NTM: variants seen among roughly 807,000 people sequenced by gnomAD.
NTM encodes the protein IgLON family member 2.
In NTM, 13 loss-of-function variants were observed where a neutral mutation model predicts 42.1. That is an observed-to-expected ratio of 0.31 (90% CI 0.20 to 0.49). NTM has a LOEUF of 0.49. Ranked by LOEUF, NTM falls within the 20% of genes least tolerant of loss-of-function variation. NTM has a pLI of 0.99. For synonymous variants in NTM, 187 were observed against 179.2 expected, an observed-to-expected ratio of 1.04 and a Z score of -0.35; for missense variants, 373 against 452.8, an observed-to-expected ratio of 0.82 and a Z score of 1.60.
Position 131,465,970 on chromosome 11 carries a change from G to T in NTM, c.82+95082G>T, listed in dbSNP as rs141300174. Among the ~76,000 whole-genome samples, 506 of 152,330 alleles carry T rather than the reference G, an allele frequency of 3.3e-3. 4 individuals are homozygous for T. The highest frequency in any genetic ancestry group is 0.012 in the African/African-American group (483 of 41,572). On this transcript the variant is annotated intron_variant, in intron 1 of 8. Coordinates refer to ENST00000683400, the MANE Select transcript of NTM (RefSeq NM_001352005.2). ...CACAAGGGGGCATGGCCCTTTGAGC[G>T]CCCCTTCAGGGTAGAAGCTATCACT...
chr11:132,300,704 C>A (rs570674526), intron 4 of NTM, among the ~76,000 whole-genome samples: 1 of 152,164 alleles, frequency 6.6e-6, no homozygotes, highest in Non-Finnish European at 1.5e-5. Context: ...TCTAGCTTAG[C>A]GGCACAGATT....
At chr11:132,033,817 G>A (rs761548450) in intron 2 of NTM, among the ~76,000 whole-genome samples, 10 of 152,252 alleles carry the variant, frequency 6.6e-5, no homozygotes, top group South Asian at 4.1e-4. Context: ...ACTGGATTAC[G>A]GGATTTGTTT....
chr11:131,605,449 C>G (rs2137469876), intron 1 of NTM, among the ~76,000 whole-genome samples: 1 of 152,298 alleles, frequency 6.6e-6, no homozygotes, highest in African/African-American at 2.4e-5. Context: ...CTAATACTTT[C>G]TTAGTGGTTT....
At chr11:132,308,898 G>A (rs531900931) in intron 5 of NTM, among the ~76,000 whole-genome samples, 8 of 152,214 alleles carry the variant, frequency 5.3e-5, no homozygotes, top group Admixed American at 1.3e-4. Flanking sequence ...TTAGGAAAAT[G>A]AGTGAAAGCT....
At chr11:131,646,545 AT>A (rs999525145) in intron 1 of NTM, among the ~76,000 whole-genome samples, 1 of 152,190 alleles carries the variant, frequency 6.6e-6, no homozygotes, top group African/African-American at 2.4e-5. Context: ...TTATATGCAG[AT>A]TTTAGATGAA....
intron 1 of NTM, among the ~76,000 whole-genome samples, chr11:131,814,760 C>G (rs1166516668): frequency 6.6e-6 from 1 of 152,190 alleles, no homozygotes; most frequent in Non-Finnish European, 1.5e-5. Flanking sequence ...GCAGCCTAAT[C>G]CACCACCTCT....
intron 2 of NTM, among the ~76,000 whole-genome samples, chr11:132,050,125 T>C (rs2078644388): frequency 6.6e-6 from 1 of 152,182 alleles, no homozygotes. Context: ...CTTTAGGGTT[T>C]AGAGAGAAAA....
chr11:132,198,441 T>A (rs2138410170), intron 3 of NTM, among the ~76,000 whole-genome samples: 1 of 152,204 alleles, frequency 6.6e-6, no homozygotes, highest in South Asian at 2.1e-4. Context: ...GCTCAAGCCA[T>A]CCTCCCACCT....
chr11:132,259,146 C>G (rs1181152296), intron 4 of NTM, among the ~76,000 whole-genome samples: 1 of 152,146 alleles, frequency 6.6e-6, no homozygotes, highest in Non-Finnish European at 1.5e-5. Context: ...TCTAGAATCT[C>G]TCTCCCCACA....
chr11:131,728,948 A>G (rs2135464273), intron 1 of NTM, among the ~76,000 whole-genome samples: 1 of 152,348 alleles, frequency 6.6e-6, no homozygotes, highest in Non-Finnish European at 1.5e-5. Context: ...AACAGGGTTG[A>G]AGACCAAATA....
intron 1 of NTM, among the ~76,000 whole-genome samples, chr11:131,407,201 G>T (rs1242947554): frequency 6.6e-6 from 1 of 152,160 alleles, no homozygotes; most frequent in East Asian, 1.9e-4. Context: ...TTTTTAAAAG[G>T]AAGGAAGAAA....
intron 1 of NTM, among the ~76,000 whole-genome samples, chr11:131,498,169 T>C (rs922908690): frequency 1.3e-5 from 2 of 152,158 alleles, no homozygotes; most frequent in African/African-American, 4.8e-5. Flanking sequence ...GCACCAAGCA[T>C]TTGCTTCCAA....
chr11:131,641,199 C>G (rs572690919), intron 1 of NTM, among the ~76,000 whole-genome samples: 19 of 152,340 alleles, frequency 1.2e-4, no homozygotes, highest in African/African-American at 4.1e-4. Flanking sequence ...GTTCACTACA[C>G]TGAGGAGTTC....
intron 1 of NTM, among the ~76,000 whole-genome samples, chr11:131,876,190 G>A (rs190671617): frequency 5.9e-5 from 9 of 152,290 alleles, no homozygotes; most frequent in Non-Finnish European, 1.0e-4. Context: ...TCAACAGTGT[G>A]CATGTTGCAG....
At chr11:131,442,500 T>G (rs1949702002) in intron 1 of NTM, among the ~76,000 whole-genome samples, 1 of 152,152 alleles carries the variant, frequency 6.6e-6, no homozygotes, top group Admixed American at 6.5e-5. Context: ...GGGATTGGGC[T>G]TCTAGTGTAC....
intron 4 of NTM, among the ~76,000 whole-genome samples, chr11:132,219,016 C>A (rs1303972030): frequency 6.6e-6 from 1 of 152,090 alleles, no homozygotes; most frequent in Non-Finnish European, 1.5e-5. Context: ...TTGGCGTGAA[C>A]CCTGGCGTTT....
intron 1 of NTM, among the ~76,000 whole-genome samples, chr11:131,594,564 T>TA (rs11411337): frequency 0.48 from 71,303 of 147,760 alleles, 17,406 homozygotes; most frequent in East Asian, 0.62. Flanking sequence ...CCAGCTAAAT[T>TA]AAAAAAAAAA....
At chr11:131,372,983 C>A (rs776241662) in intron 1 of NTM, among the ~76,000 whole-genome samples, 1 of 152,064 alleles carries the variant, frequency 6.6e-6, no homozygotes, top group Non-Finnish European at 1.5e-5. Context: ...CACATTCTAC[C>A]GAATCCGGAA....
At chr11:132,322,268 T>A (rs2095586736) in intron 7 of NTM, among the ~76,000 whole-genome samples, 2 of 152,056 alleles carry the variant, frequency 1.3e-5, no homozygotes, top group African/African-American at 4.8e-5. Flanking sequence ...ATCAGTGTGC[T>A]GTATTCAGGA....
Sources: allele counts gnomAD v4.1 joint callset (sites outside exome capture counted in the v4.1 genomes callset), GRCh38; gene constraint gnomAD v4.1.1; transcripts MANE v1.5; gene names NCBI Gene and HGNC (gene_info 2026-07-23, HGNC 2026-07-21).